BNC2: variants seen among roughly 807,000 people sequenced by gnomAD.
BNC2 encodes basonuclin zinc finger protein 2.
Under a neutral mutation model 76.3 loss-of-function variants are expected in BNC2, and 20 were observed. The observed-to-expected ratio is 0.26, with a 90% CI of 0.18 to 0.38. The LOEUF (loss-of-function observed/expected upper bound fraction) is 0.38. Among genes scored for constraint, BNC2 ranks in the 10% least tolerant of loss-of-function variants. The probability of loss-of-function intolerance (pLI) is 1.00; values close to 1 mark genes in which losing one functional copy is unlikely to be tolerated. For missense variants in BNC2, 1,382 were observed against 1,399.8 expected, an observed-to-expected ratio of 0.99 and a Z score of 0.20; for synonymous variants, 582 against 514.8, an observed-to-expected ratio of 1.13 and a Z score of -1.77.
At chr9:16,555,245 G>A (rs1186783037) in intron 4 of BNC2, among the ~76,000 whole-genome samples, 1 of 151,642 alleles carries the variant, frequency 6.6e-6, no homozygotes, top group East Asian at 1.9e-4. Flanking sequence ...GGATGGTCTC[G>A]ATCTCCTGAC....
chr9:16,556,753 C>G (rs537129363), intron 4 of BNC2, among the ~76,000 whole-genome samples: 1 of 144,180 alleles, frequency 6.9e-6, no homozygotes, highest in South Asian at 2.2e-4. Flanking sequence ...GGCGACAGAG[C>G]GAGACTCTAA....
At chr9:16,813,402 A>G (rs1335085966) in intron 1 of BNC2, among the ~76,000 whole-genome samples, 2 of 151,218 alleles carry the variant, frequency 1.3e-5, no homozygotes, top group East Asian at 2.0e-4. Flanking sequence ...AGTAGCTGGG[A>G]CTACAGGCGC....
rs551081034 is a variant in BNC2, at chr9:16,421,432, G to A, written c.2640-1783C>T. The A allele has an allele frequency of 4.2e-4, 177 of 418,708 alleles. 2 individuals carry two copies. The highest frequency in any genetic ancestry group is 3.8e-3 in the South Asian group (169 of 44,352). 25.9% of individuals were successfully genotyped at this position (418,708 alleles called of 1,614,324 possible). A position where few individuals can be genotyped will look rare whatever the true frequency, so the allele number is the denominator to read the frequency against. On this transcript the variant is annotated intron_variant, in intron 6 of 6. Transcript: ENST00000380672. ...AAACAATAAAATAGGGATTTAAAAC[G>A]TTCTGATCACAAAATTATTTTCTGT...
intron 1 of BNC2, among the ~76,000 whole-genome samples, chr9:16,749,324 C>T (rs1391720515): frequency 6.6e-6 from 1 of 152,074 alleles, no homozygotes; most frequent in Non-Finnish European, 1.5e-5. Flanking sequence ...CAGGAACATA[C>T]GTTATTTGGT....
At chr9:16,742,202 A>G (rs1824871598) in intron 1 of BNC2, among the ~76,000 whole-genome samples, 1 of 152,250 alleles carries the variant, frequency 6.6e-6, no homozygotes, top group South Asian at 2.1e-4. Context: ...GAAATTCCCC[A>G]AAGCCAACAA....
chr9:16,851,140 A>G lies in BNC2; in HGVS notation c.3+19506T>C, dbSNP rs186981359. On this transcript the variant is annotated intron_variant, in intron 1 of 6. Coordinates refer to ENST00000380672, the MANE Select transcript of BNC2 (RefSeq NM_017637.6). ...AGTAATTATTTCAATGCTTCATTCA[A>G]ATTTATTAATCCTGTCAAACATTTT... Among the ~76,000 whole-genome samples the G allele has an allele frequency of 3.9e-5, 6 of 152,180 alleles. No homozygotes were observed. The East Asian group carries it at 1.2e-3, about 29-fold the overall frequency.
At position 16,597,845 on chromosome 9, in the gene BNC2, G is replaced by A. The variant is rs534855060; in HGVS notation, c.331-14760C>T. Among the ~76,000 whole-genome samples the A allele has an allele frequency of 4.6e-5, 7 of 151,836 alleles. No individual in the cohort carries two copies. The South Asian group carries it at 6.2e-4, about 14-fold the overall frequency. The stretch of plus-strand genomic sequence containing the variant: ...TTTAAATATAATTTATTTATTTATC[G>A]TATAAAGATGATATTCTTTCATTCC... On this transcript the variant is annotated intron_variant, in intron 3 of 6. Coordinates refer to ENST00000380672, the MANE Select transcript of BNC2 (RefSeq NM_017637.6).
chr9:16,761,985 A>G (rs1450121166), intron 1 of BNC2, among the ~76,000 whole-genome samples: 5 of 152,246 alleles, frequency 3.3e-5, no homozygotes, highest in African/African-American at 1.2e-4. Flanking sequence ...AAGAATGAAC[A>G]TGGAAAGTAG....
At chr9:16,496,658 A>G (rs1380304456) in intron 5 of BNC2, among the ~76,000 whole-genome samples, 1 of 152,246 alleles carries the variant, frequency 6.6e-6, no homozygotes, top group African/African-American at 2.4e-5. Flanking sequence ...TATAATTTTC[A>G]TCACATAAAT....
At chr9:16,738,232 T>C in intron 2 of BNC2, 128 bp downstream of exon 2, 1 of 1,032,622 alleles carries the variant, frequency 9.7e-7, no homozygotes, top group Middle Eastern at 2.6e-4. Context: ...TTTCATAGAA[T>C]GAGGATAAGT....
At chr9:16,738,922 G>C (rs765919197) in intron 1 of BNC2, among the ~76,000 whole-genome samples, 1 of 145,532 alleles carries the variant, frequency 6.9e-6, no homozygotes, top group Non-Finnish European at 1.5e-5. Context: ...TTACAATCTA[G>C]TACAGGAGAT....
intron 5 of BNC2, among the ~76,000 whole-genome samples, chr9:16,453,163 A>G (rs1821377993): frequency 6.6e-6 from 1 of 152,228 alleles, no homozygotes; most frequent in Admixed American, 6.5e-5. Flanking sequence ...GCCAAGTAGG[A>G]TGCTAGGTAA....
chr9:16,846,228 GAA>G (rs1442969514), intron 1 of BNC2, among the ~76,000 whole-genome samples: 2 of 151,604 alleles, frequency 1.3e-5, no homozygotes, highest in Non-Finnish European at 2.9e-5. Context: ...TGTAAAAAAA[GAA>G]AAGATGCTTC....
chr9:16,820,876 T>C (rs886326346), intron 1 of BNC2, among the ~76,000 whole-genome samples: 4 of 150,770 alleles, frequency 2.7e-5, no homozygotes, highest in Non-Finnish European at 5.9e-5. Flanking sequence ...CAAACAGCAA[T>C]GGGAAAACCC....
chr9:16,751,605 A>AATAT (rs200968001), intron 1 of BNC2, among the ~76,000 whole-genome samples: 3 of 23,150 alleles, frequency 1.3e-4, no homozygotes, highest in Middle Eastern at 0.018. Context: ...CCCCAGCACA[A>AATAT]ATATATATAT....
chr9:16,852,041 C>T (rs751981364), intron 1 of BNC2, among the ~76,000 whole-genome samples: 1 of 152,158 alleles, frequency 6.6e-6, no homozygotes, highest in Non-Finnish European at 1.5e-5. Context: ...AGAGTGGGAA[C>T]AGATTTTACA....
At chr9:16,631,475 A>G (rs1183342275) in intron 3 of BNC2, among the ~76,000 whole-genome samples, 1 of 152,216 alleles carries the variant, frequency 6.6e-6, no homozygotes, top group Admixed American at 6.5e-5. Context: ...ACGCTTATCC[A>G]CATTGAAACA....
chr9:16,606,197 C>T (rs1820378469), intron 3 of BNC2, among the ~76,000 whole-genome samples: 1 of 151,960 alleles, frequency 6.6e-6, no homozygotes, highest in South Asian at 2.1e-4. Flanking sequence ...AGAACAATGA[C>T]TTAATTCAAA....
At chr9:16,435,124 T>C (rs1370032425) in intron 6 of BNC2, 2 of 470,632 alleles carry the variant, frequency 4.2e-6, no homozygotes, top group African/African-American at 4.0e-5. Flanking sequence ...TATGTGTGTA[T>C]GAAGATAATA....
Sources: gnomAD v4.1 joint callset for allele counts (sites outside exome capture counted in the v4.1 genomes callset) on GRCh38, gnomAD v4.1.1 for gene constraint, MANE v1.5 for transcripts, NCBI Gene and HGNC (gene_info 2026-07-23, HGNC 2026-07-21) for gene names.